ACSM1: variants seen among roughly 807,000 people sequenced by gnomAD.
ACSM1 encodes the protein acyl-CoA synthetase medium chain family member 1, also known as acyl-coenzyme A synthetase ACSM1, mitochondrial.
A neutral mutation model predicts 75.8 loss-of-function variants in ACSM1; 79 were observed. That is an observed-to-expected ratio of 1.04 (90% CI 0.87 to 1.26). The LOEUF (loss-of-function observed/expected upper bound fraction) is 1.26, where lower values mean the gene tolerates loss of function less well. ACSM1 is among the 50% of genes most tolerant of loss of function. ACSM1 has a pLI of 0.00. For synonymous variants in ACSM1, 279 were observed against 265.8 expected, an observed-to-expected ratio of 1.05 and a Z score of -0.48; for missense variants, 676 against 720.1, an observed-to-expected ratio of 0.94 and a Z score of 0.70.
At chr16:20,631,305 C>A (rs946925378) in intron 10 of ACSM1, among the ~76,000 whole-genome samples, 15 of 152,022 alleles carry the variant, frequency 9.9e-5, no homozygotes. Context: ...CAAGGAAATG[C>A]AAATTAAAAC....
chr16:20,625,450 C>T lies in ACSM1; in HGVS notation c.1500G>A (p.Val500=), dbSNP rs2016864840. 2 of 1,614,116 alleles carry T rather than the reference C, an allele frequency of 1.2e-6. No individual in the cohort carries two copies. The highest frequency in any genetic ancestry group is 1.7e-6 in the Non-Finnish European group (2 of 1,180,030). The change falls in exon 12 of 14, where the codon GTG becomes GTA. Residue 500 remains valine, a synonymous_variant. Coordinates refer to ENST00000520010, the MANE Select transcript of ACSM1 (RefSeq NM_001318890.3). ...CCCCTCGAATCGGGTCTGGGCTGCCCACCACGGCTGACTCCGCCACCGCTG... is the reference window on the plus strand; with the variant it reads ...CCCCTCGAATCGGGTCTGGGCTGCCTACCACGGCTGACTCCGCCACCGCTG... ...EHPAVAESAV[V]GSPDPIRGEV... is the part of the protein sequence containing the mutation.
rs1223988281 is a variant in ACSM1, at chr16:20,623,277, C to T, written c.*209G>A. 8 of 545,622 alleles carry T rather than the reference C, an allele frequency of 1.5e-5. No homozygotes were observed. In the South Asian group the frequency reaches 1.7e-4, roughly 11 times the overall value. 33.8% of individuals were successfully genotyped at this position (545,622 alleles called of 1,614,324 possible). ...TTATTACTTGCGTTATGAGTGCTCACCTGGGAAATTCTAAAGATACAGAGG... is the reference window on the plus strand; with the variant it reads ...TTATTACTTGCGTTATGAGTGCTCATCTGGGAAATTCTAAAGATACAGAGG... On this transcript the variant is annotated 3_prime_UTR_variant, in exon 14 of 14. Coordinates refer to ENST00000520010, the MANE Select transcript of ACSM1 (RefSeq NM_001318890.3).
intron 4 of ACSM1, among the ~76,000 whole-genome samples, chr16:20,673,055 T>C (rs1463063830): frequency 1.4e-5 from 2 of 146,066 alleles, no homozygotes; most frequent in African/African-American, 5.0e-5. Context: ...TATATACATA[T>C]AATTATATGA....
chr16:20,625,331 C>T, intron 12 of ACSM1, 92 bp downstream of exon 12: 1 of 1,283,916 alleles, frequency 7.8e-7, no homozygotes. Flanking sequence ...TGCCCTTCCA[C>T]CAAGGCTGCA....
chr16:20,645,050 G>A (rs1255506165), intron 7 of ACSM1, among the ~76,000 whole-genome samples: 13 of 152,164 alleles, frequency 8.5e-5, no homozygotes, highest in Admixed American at 7.9e-4. Flanking sequence ...GGGGAAGCTG[G>A]GTTGTTATGA....
chr16:20,636,666 AAGAAGCC>A, intron 10 of ACSM1, 66 bp downstream of exon 10: 1 of 1,066,324 alleles, frequency 9.4e-7, no homozygotes, highest in Non-Finnish European at 1.4e-6. Flanking sequence ...AGAGGACTTG[AAGAAGCC>A]TCAGGATGCA....
chr16:20,624,035 A>G (rs2016766187), intron 13 of ACSM1, 61 bp downstream of exon 13: 1 of 1,595,352 alleles, frequency 6.3e-7, no homozygotes, highest in South Asian at 1.1e-5. Flanking sequence ...AGTGATACCT[A>G]GCCCGTCCTA....
chr16:20,667,345 G>A (rs1026536585), intron 6 of ACSM1, among the ~76,000 whole-genome samples: 1 of 152,050 alleles, frequency 6.6e-6, no homozygotes, highest in Non-Finnish European at 1.5e-5. Flanking sequence ...TAAAAAATGG[G>A]CAAAGTACAT....
At chr16:20,678,040 AAATG>A (rs1353792767) in intron 4 of ACSM1, among the ~76,000 whole-genome samples, 46 of 151,870 alleles carry the variant, frequency 3.0e-4, no homozygotes, top group African/African-American at 1.1e-3. Context: ...ATAAATAAAT[AAATG>A]AGACAAAGAG....
intron 1 of ACSM1, among the ~76,000 whole-genome samples, chr16:20,696,861 C>T (rs988959581): frequency 6.6e-6 from 1 of 152,156 alleles, no homozygotes; most frequent in Non-Finnish European, 1.5e-5. Context: ...GTTACAGAGC[C>T]AGGGCTAGAT....
At chr16:20,679,107 T>C (rs2079380270) in intron 4 of ACSM1, 1 of 152,192 alleles carries the variant, frequency 6.6e-6, no homozygotes, top group South Asian at 2.1e-4. Flanking sequence ...CTAGGACCCA[T>C]ACAGGATAGG....
intron 7 of ACSM1, among the ~76,000 whole-genome samples, chr16:20,654,279 C>A (rs1490735659): frequency 6.6e-6 from 1 of 152,144 alleles, no homozygotes; most frequent in East Asian, 1.9e-4. Flanking sequence ...AAATGTTAGA[C>A]CTAAAACCAT....
chr16:20,663,051 T>C (rs1032330560), intron 6 of ACSM1, among the ~76,000 whole-genome samples: 1 of 152,072 alleles, frequency 6.6e-6, no homozygotes, highest in Admixed American at 6.5e-5. Context: ...GTCCAGGGCC[T>C]AAACCCCCTT....
intron 4 of ACSM1, 134 bp downstream of exon 4, chr16:20,682,122 T>C (rs2079457847): frequency 1.2e-6 from 1 of 813,754 alleles, no homozygotes; most frequent in Admixed American, 2.6e-5. Context: ...CTCAGTCCTT[T>C]GGATGTTAAT....
At chr16:20,685,447 A>G (rs1193258441) in intron 2 of ACSM1, 44 bp from the exon 3 acceptor site, 5 of 1,580,606 alleles carry the variant, frequency 3.2e-6, no homozygotes, top group East Asian at 2.2e-5. Flanking sequence ...GCTTCAAAGA[A>G]AAAGGGCACT....
At chr16:20,665,378 C>T (rs1418402494) in intron 6 of ACSM1, among the ~76,000 whole-genome samples, 3 of 152,064 alleles carry the variant, frequency 2.0e-5, no homozygotes, top group Admixed American at 6.6e-5. Context: ...CACTGATGCA[C>T]CTGAATTAGA....
At position 20,640,569 on chromosome 16, in the gene ACSM1, G is replaced by A. The variant is rs1444770445; in HGVS notation, c.1008C>T (p.Ala336=). Residue 336 remains alanine, a synonymous_variant, in exon 8 of 14, where the codon GCC becomes GCT. Transcript: ENST00000520010. ...CCCCGCCAGTATAGCAGTGCTCCAG[G>A]GCAGGGAACCTGATGCTTAGAGGAA... is the stretch of plus-strand genomic sequence containing the variant. ...QQDFTSIRFP[A]LEHCYTGGEV... The A allele has an allele frequency of 6.2e-7, 1 of 1,614,002 alleles. No homozygotes were observed. Among genetic ancestry groups the A allele is most frequent in the Non-Finnish European group, 8.5e-7 (1 of 1,179,998 alleles).
intron 6 of ACSM1, among the ~76,000 whole-genome samples, chr16:20,669,549 T>G (rs1024563369): frequency 1.3e-5 from 2 of 151,968 alleles, no homozygotes; most frequent in African/African-American, 4.8e-5. Flanking sequence ...GTGCTTGCTT[T>G]AATTTTTCAA....
At chr16:20,631,418 T>C (rs1596791102) in intron 10 of ACSM1, among the ~76,000 whole-genome samples, 1 of 152,186 alleles carries the variant, frequency 6.6e-6, no homozygotes, top group Non-Finnish European at 1.5e-5. Context: ...ACACTGCTGG[T>C]GGGAATGTAA....
Sources: gnomAD v4.1 joint callset for allele counts (sites outside exome capture counted in the v4.1 genomes callset) on GRCh38, gnomAD v4.1.1 for gene constraint, MANE v1.5 for transcripts, NCBI Gene and HGNC (gene_info 2026-07-23, HGNC 2026-07-21) for gene names.